The following KIF4B variants were observed in gnomAD, a reference collection of about 807,000 sequenced individuals.
KIF4B encodes the protein chromosome-associated kinesin KIF4B.
In KIF4B, 60 loss-of-function variants were observed where a neutral mutation model predicts 69.0. The ratio of observed to expected loss-of-function variants is 0.87; its 90% confidence interval spans 0.71 to 1.08. The LOEUF is 1.08. Ranked by LOEUF, KIF4B falls within the 50% of genes least tolerant of loss-of-function variation. KIF4B has a pLI of 0.00. For missense variants in KIF4B, 1,357 were observed against 1,451.9 expected (o/e 0.93, Z 1.06); for synonymous variants, 489 against 533.0 (o/e 0.92, Z 1.14).
Position 155,017,244 on chromosome 5 carries a change from T to C in KIF4B, c.3385T>C (p.Leu1129=). ...GAACCGCCAGCAAGGCAAGGATAGC[T>C]TGGGCACTGTTGAACAGACCCAGGA... is the stretch of plus-strand genomic sequence containing the variant. ...CRNRQQGKDS[L]GTVEQTQDSE... Residue 1129 remains leucine (L), a synonymous_variant, in exon 1 of 1, where the codon TTG becomes CTG. Coordinates refer to ENST00000435029, the MANE Select transcript of KIF4B (RefSeq NM_001099293.3). The C allele has an allele frequency of 6.2e-7, 1 of 1,614,192 alleles. No homozygotes were observed. The highest frequency in any genetic ancestry group is 1.1e-5 in the South Asian group (1 of 91,084).
At position 155,017,454 on chromosome 5, in the gene KIF4B, G is replaced by A. The variant is rs748201634; in HGVS notation, c.3595G>A (p.Ala1199Thr). The change falls in exon 1 of 1, where the codon GCA (alanine) becomes ACA (threonine). Residue 1199 changes from alanine to threonine, a missense_variant. Ala to Thr is a moderately conservative substitution (Grantham distance 58). Coordinates refer to ENST00000435029, the MANE Select transcript of KIF4B (RefSeq NM_001099293.3). ...TGACCTCCCAGAGTCGAAACATGGA[G>A]CAACAGAATACCAACAAAATAAGCC... ...PFDLPESKHG[A>T]TEYQQNKPPG... 6.8e-6 allele frequency: 11 copies of A among 1,614,172 alleles called. No homozygotes were observed. Among genetic ancestry groups the A allele is most frequent in the Non-Finnish European group, 6.8e-6 (8 of 1,180,038 alleles).
At position 155,014,396 on chromosome 5, in the gene KIF4B, G is replaced by C. The variant is rs751262876; in HGVS notation, c.537G>C (p.Lys179Asn). 6.2e-7 allele frequency: 1 copy of C among 1,614,106 alleles called. No individual in the cohort carries two copies. The highest frequency in any genetic ancestry group is 8.5e-7 in the Non-Finnish European group (1 of 1,180,052). ...TAAAGATTGTGGGACTCACTGAGAA[G>C]ACTGTTTTAGTTGCCTTGGATACTG... ...EGIKIVGLTEKTVLVALDTVS... is the reference protein window; with the variant it reads ...EGIKIVGLTENTVLVALDTVS... Residue 179 changes from lysine to asparagine, a missense_variant, in exon 1 of 1, where the codon AAG becomes AAC. Lys to Asn is a moderately conservative substitution (Grantham distance 94, BLOSUM62 0). Coordinates refer to ENST00000435029, the MANE Select transcript of KIF4B (RefSeq NM_001099293.3).
rs906432569 is a variant in KIF4B at position 155,015,795 on chromosome 5, C to G, written c.1936C>G (p.Gln646Glu). 6.2e-7 allele frequency: 1 copy of G among 1,614,134 alleles called. No homozygotes were observed. The highest frequency in any genetic ancestry group is 8.5e-7 in the Non-Finnish European group (1 of 1,180,030). Residue 646 changes from glutamine (Q) to glutamate (E), a missense_variant, in exon 1 of 1, where the codon CAG (glutamine) becomes GAG (glutamate). Coordinates refer to ENST00000435029, the MANE Select transcript of KIF4B (RefSeq NM_001099293.3). ...LNQEIWMMKN[Q>E]RVQLMRQMKE... ...CCAAGAGATATGGATGATGAAAAAC[C>G]AGCGGGTACAGTTAATGCGTCAAAT...
In KIF4B at chr5:155,017,388, C is replaced by G. The variant is rs368190931; in HGVS notation, c.3529C>G (p.Gln1177Glu). 2.4e-5 allele frequency: 38 copies of G among 1,614,062 alleles called. No homozygotes were observed. In the African/African-American group the frequency reaches 4.1e-4, roughly 18 times the overall value. The change falls in exon 1 of 1, where the codon CAG (glutamine) becomes GAG (glutamate). Residue 1177 changes from glutamine to glutamate, a missense_variant. Gln to Glu is a conservative substitution (Grantham distance 29). Coordinates refer to ENST00000435029, the MANE Select transcript of KIF4B (RefSeq NM_001099293.3). ...CCTGAAAGAGATGTGTGACATGGAGCAGGTGCTGTCAAAGAAGACTGCTCC... is the reference window on the plus strand; with the variant it reads ...CCTGAAAGAGATGTGTGACATGGAGGAGGTGCTGTCAAAGAAGACTGCTCC... Reference protein sequence around the residue: ...KILKEMCDMEQVLSKKTAPAP... With the variant: ...KILKEMCDMEEVLSKKTAPAP...
At position 155,015,502 on chromosome 5, in the gene KIF4B, A is replaced by G; in HGVS notation, c.1643A>G (p.Asn548Ser). The change falls in exon 1 of 1, where the codon AAC becomes AGC. Residue 548 changes from asparagine to serine, a missense_variant. By Grantham distance (46) the Asn-to-Ser change is conservative. Coordinates refer to ENST00000435029, the MANE Select transcript of KIF4B (RefSeq NM_001099293.3). Reference protein sequence around the residue: ...ALVRKMTQNDNQLQPIQFQYQ... With the variant: ...ALVRKMTQNDSQLQPIQFQYQ... Reference sequence around the variant, plus strand: ...GTTAGGAAGATGACTCAGAACGACAACCAACTACAGCCCATTCAGTTTCAA... The same window carrying G: ...GTTAGGAAGATGACTCAGAACGACAGCCAACTACAGCCCATTCAGTTTCAA... The G allele has an allele frequency of 1.9e-6, 3 of 1,614,214 alleles. No homozygotes were observed. Among genetic ancestry groups the G allele is most frequent in the South Asian group, 1.1e-5 (1 of 91,088 alleles).
At position 155,015,716 on chromosome 5, in the gene KIF4B, G is replaced by A; in HGVS notation, c.1857G>A (p.Gln619=). 6.2e-7 allele frequency: 1 copy of A among 1,614,202 alleles called. No homozygotes were observed. Among genetic ancestry groups the A allele is most frequent in the Non-Finnish European group, 8.5e-7 (1 of 1,180,044 alleles). ...IADLKKKLNE[Q]SKLLKLKEST... Reference sequence around the variant, plus strand: ...ATCTGAAGAAGAAACTGAATGAGCAGTCCAAACTTCTGAAACTAAAGGAAT... The same window carrying A: ...ATCTGAAGAAGAAACTGAATGAGCAATCCAAACTTCTGAAACTAAAGGAAT... The change falls in exon 1 of 1, where the codon CAG becomes CAA. Residue 619 remains glutamine (Q), a synonymous_variant. Coordinates refer to ENST00000435029, the MANE Select transcript of KIF4B (RefSeq NM_001099293.3).
chr5:155,016,445 A>C lies in KIF4B; in HGVS notation c.2586A>C (p.Glu862Asp), dbSNP rs1765333976. ...QCWENIATILEAKCALKYLIG... is the reference protein window; with the variant it reads ...QCWENIATILDAKCALKYLIG... ...GGGAGAATATTGCCACCATTCTGGA[A>C]GCCAAGTGTGCCCTGAAATATTTGA... The change falls in exon 1 of 1, where the codon GAA becomes GAC. Residue 862 changes from glutamate to aspartate, a missense_variant. Transcript: ENST00000435029. 21 of 1,614,252 alleles carry C rather than the reference A, an allele frequency of 1.3e-5. 1 individual carries two copies. Among genetic ancestry groups the C allele is most frequent in the Non-Finnish European group, 1.8e-5 (21 of 1,180,044 alleles).
Position 155,017,153 on chromosome 5 carries a change from G to T in KIF4B, c.3294G>T (p.Gln1098His). 6.2e-7 allele frequency: 1 copy of T among 1,614,214 alleles called. No individual in the cohort carries two copies. The highest frequency in any genetic ancestry group is 8.5e-7 in the Non-Finnish European group (1 of 1,180,052). ...GCAAGGGCTGGTGTGGGAACAAGCA[G>T]TGTGGGTGCAGGAAGCAAAAGTCAG... is the stretch of plus-strand genomic sequence containing the variant. Reference protein sequence around the residue: ...CSCKGWCGNKQCGCRKQKSDC... With the variant: ...CSCKGWCGNKHCGCRKQKSDC... Residue 1098 changes from glutamine (Q) to histidine (H), a missense_variant, in exon 1 of 1, where the codon CAG (glutamine) becomes CAT (histidine). Gln to His is a conservative substitution (Grantham distance 24). Coordinates refer to ENST00000435029, the MANE Select transcript of KIF4B (RefSeq NM_001099293.3).
chr5:155,016,028 G>A lies in KIF4B; in HGVS notation c.2169G>A (p.Glu723=). ...RLKDALQKQR[E]VTDKRKETQS... is the part of the protein sequence containing the mutation. ...AGGATGCTCTCCAGAAACAACGAGA[G>A]GTCACAGATAAGCGGAAAGAGACTC... The change falls in exon 1 of 1, where the codon GAG becomes GAA. Residue 723 remains glutamate (E), a synonymous_variant. Transcript: ENST00000435029. The A allele has an allele frequency of 2.5e-6, 4 of 1,614,134 alleles. No individual in the cohort carries two copies. The highest frequency in any genetic ancestry group is 3.4e-6 in the Non-Finnish European group (4 of 1,180,020).
chr5:155,015,675 G>A lies in KIF4B; in HGVS notation c.1816G>A (p.Glu606Lys). 1 of 1,614,228 alleles carries A rather than the reference G, an allele frequency of 6.2e-7. No individual in the cohort carries two copies. Residue 606 changes from glutamate (E) to lysine (K), a missense_variant, in exon 1 of 1, where the codon GAG becomes AAG. Transcript: ENST00000435029. ...CCGCCACAAACTTCTCCAGGAGCTG[G>A]AGGGTCAAATAGCTGATCTGAAGAA... ...EHRHKLLQEL[E>K]GQIADLKKKL... is the part of the protein sequence containing the mutation.
In KIF4B at chr5:155,017,548, A is replaced by G. The variant is rs200356560; in HGVS notation, c.3689A>G (p.Glu1230Gly). 171 of 1,612,672 alleles carry G rather than the reference A, an allele frequency of 1.1e-4. 1 individual carries two copies. The East Asian group carries it at 3.2e-3, about 30-fold the overall frequency. Reference protein sequence around the residue: ...TSFFSGCSPIEEEAH With the variant: ...TSFFSGCSPIGEEAH ...TTCTTCTCTGGCTGCTCCCCTATCGAAGAAGAGGCCCACTGAAGTTGGAGT... is the reference window on the plus strand; with the variant it reads ...TTCTTCTCTGGCTGCTCCCCTATCGGAGAAGAGGCCCACTGAAGTTGGAGT... The change falls in exon 1 of 1, where the codon GAA becomes GGA. Residue 1230 changes from glutamate (E) to glycine (G), a missense_variant. By Grantham distance (98) the Glu-to-Gly change is moderately conservative (BLOSUM62 -2). Coordinates refer to ENST00000435029, the MANE Select transcript of KIF4B (RefSeq NM_001099293.3).
In KIF4B at chr5:155,014,924, G is replaced by A. The variant is rs1260361104; in HGVS notation, c.1065G>A (p.Lys355=). ...ACACAGCTGAACTTAATCATCTAAA[G>A]CAACAGGTACAACAGCTACAAGTCT... ...DPHTAELNHL[K]QQVQQLQVLL... is the part of the protein sequence containing the mutation. The change falls in exon 1 of 1, where the codon AAG becomes AAA. Residue 355 remains lysine, a synonymous_variant. Coordinates refer to ENST00000435029, the MANE Select transcript of KIF4B (RefSeq NM_001099293.3). 34 of 1,614,176 alleles carry A rather than the reference G, an allele frequency of 2.1e-5. No homozygotes were observed. Among genetic ancestry groups the A allele is most frequent in the Non-Finnish European group, 2.9e-5 (34 of 1,180,024 alleles).
chr5:155,016,353 G>A lies in KIF4B; in HGVS notation c.2494G>A (p.Ala832Thr). 6.2e-7 allele frequency: 1 copy of A among 1,614,178 alleles called. No individual in the cohort carries two copies. The highest frequency in any genetic ancestry group is 8.5e-7 in the Non-Finnish European group (1 of 1,180,030). Residue 832 changes from alanine (A) to threonine (T), a missense_variant, in exon 1 of 1, where the codon GCT becomes ACT. Ala to Thr is a moderately conservative substitution (Grantham distance 58). Coordinates refer to ENST00000435029, the MANE Select transcript of KIF4B (RefSeq NM_001099293.3). Reference sequence around the variant, plus strand: ...AGAGACTGAAATGGAACTCAGGAGTGCTCAGATTGCTGACCTACAGCAGAA... The same window carrying A: ...AGAGACTGAAATGGAACTCAGGAGTACTCAGATTGCTGACCTACAGCAGAA... ...SLETEMELRS[A>T]QIADLQQKLL...
chr5:155,017,471 A>G lies in KIF4B; in HGVS notation c.3612A>G (p.Gln1204=). The G allele has an allele frequency of 1.9e-6, 3 of 1,614,094 alleles. No individual in the cohort carries two copies. Among genetic ancestry groups the G allele is most frequent in the Non-Finnish European group, 2.5e-6 (3 of 1,180,024 alleles). ...AACATGGAGCAACAGAATACCAACA[A>G]AATAAGCCTCCAGGGAAGAAAAAGA... ...ESKHGATEYQ[Q]NKPPGKKKKR... Residue 1204 remains glutamine, a synonymous_variant, in exon 1 of 1, where the codon CAA becomes CAG. Coordinates refer to ENST00000435029, the MANE Select transcript of KIF4B (RefSeq NM_001099293.3).
In KIF4B at chr5:155,015,541, T is replaced by C. The variant is rs1017125273; in HGVS notation, c.1682T>C (p.Ile561Thr). The C allele has an allele frequency of 6.8e-6, 11 of 1,613,910 alleles. No homozygotes were observed. Among genetic ancestry groups the C allele is most frequent in the Non-Finnish European group, 9.3e-6 (11 of 1,179,958 alleles). ...QPIQFQYQDNIKNLELEVINL... is the reference protein window; with the variant it reads ...QPIQFQYQDNTKNLELEVINL... The stretch of plus-strand genomic sequence containing the variant: ...ATTCAGTTTCAATACCAGGATAACA[T>C]AAAAAATCTAGAATTAGAAGTCATC... Residue 561 changes from isoleucine (I) to threonine (T), a missense_variant, in exon 1 of 1, where the codon ATA becomes ACA. Coordinates refer to ENST00000435029, the MANE Select transcript of KIF4B (RefSeq NM_001099293.3).
rs746636423 is a variant in KIF4B at position 155,015,765 on chromosome 5, C to G, written c.1906C>G (p.Leu636Val). The G allele has an allele frequency of 6.2e-7, 1 of 1,614,118 alleles. No individual in the cohort carries two copies. Among genetic ancestry groups the G allele is most frequent in the East Asian group, 2.2e-5 (1 of 44,882 alleles). Residue 636 changes from leucine (L) to valine (V), a missense_variant, in exon 1 of 1, where the codon CTG becomes GTG. Transcript: ENST00000435029. ...KESTERTVSK[L>V]NQEIWMMKNQ... ...ATCCACAGAGCGTACTGTCTCCAAG[C>G]TGAACCAAGAGATATGGATGATGAA...
chr5:155,017,129 C>A lies in KIF4B; in HGVS notation c.3270C>A (p.Cys1090Ter). Residue 1090 changes from cysteine to a stop codon, truncating the protein, a stop_gained, in exon 1 of 1, where the codon TGC (cysteine) becomes TGA (stop). Coordinates refer to ENST00000435029, the MANE Select transcript of KIF4B (RefSeq NM_001099293.3). LOFTEE classifies it low-confidence loss of function (END_TRUNC). ...GGAAGAACATCCAAGGGTGTTCCTG[C>A]AAGGGCTGGTGTGGGAACAAGCAGT... Reference protein sequence around the residue: ...VSRKNIQGCSCKGWCGNKQCG... With the variant: ...VSRKNIQGCS 8.7e-6 allele frequency: 14 copies of A among 1,614,082 alleles called. No individual in the cohort carries two copies. Among genetic ancestry groups the A allele is most frequent in the Non-Finnish European group, 1.0e-5 (12 of 1,180,026 alleles).
At position 155,014,536 on chromosome 5, in the gene KIF4B, G is replaced by T; in HGVS notation, c.677G>T (p.Ser226Ile). 6.2e-7 allele frequency: 1 copy of T among 1,614,102 alleles called. No homozygotes were observed. The highest frequency in any genetic ancestry group is 8.5e-7 in the Non-Finnish European group (1 of 1,179,964). Residue 226 changes from serine (S) to isoleucine (I), a missense_variant, in exon 1 of 1, where the codon AGT becomes ATT. Coordinates refer to ENST00000435029, the MANE Select transcript of KIF4B (RefSeq NM_001099293.3). ...FTISIEQRKK[S>I]DKNCSFRSKL... ...ATCTCCATAGAGCAAAGAAAGAAAA[G>T]TGACAAGAATTGCAGCTTTCGCTCC...
Position 155,017,287 on chromosome 5 carries a change from A to T in KIF4B, c.3428A>T (p.Lys1143Ile), listed in dbSNP as rs751317348. ...ACCCAGGATTCCGAAGGCTCCTTCAAACTGGAGGATCCTACCGAGGTGACC... is the reference window on the plus strand; with the variant it reads ...ACCCAGGATTCCGAAGGCTCCTTCATACTGGAGGATCCTACCGAGGTGACC... ...EQTQDSEGSF[K>I]LEDPTEVTPG... The change falls in exon 1 of 1, where the codon AAA becomes ATA. Residue 1143 changes from lysine to isoleucine, a missense_variant. Transcript: ENST00000435029. The T allele has an allele frequency of 4.3e-6, 7 of 1,614,178 alleles. No individual in the cohort carries two copies. The highest frequency in any genetic ancestry group is 5.1e-6 in the Non-Finnish European group (6 of 1,180,030).
Sources: allele counts gnomAD v4.1 joint callset, GRCh38; gene constraint gnomAD v4.1.1; transcripts MANE v1.5; gene names NCBI Gene and HGNC (gene_info 2026-07-23, HGNC 2026-07-21).